The following ABCD3 variants were observed in gnomAD, a reference collection of about 807,000 sequenced individuals.
The protein encoded by ABCD3 is ATP binding cassette subfamily D member 3.
ABCD3 carries 41 observed loss-of-function variants against 105.5 expected under a neutral mutation model. That is an observed-to-expected ratio of 0.39 (90% CI 0.30 to 0.50). The LOEUF is 0.50. Ranked by LOEUF, ABCD3 falls within the 20% of genes least tolerant of loss-of-function variation. The pLI, the probability that ABCD3 is intolerant of heterozygous loss-of-function variation, is 0.84. For synonymous variants in ABCD3, 258 were observed against 269.0 expected (o/e 0.96, Z 0.40); for missense variants, 622 against 806.3 (o/e 0.77, Z 2.77).
At chr1:94,420,281 C>G (rs1659209404) in intron 1 of ABCD3, among the ~76,000 whole-genome samples, 1 of 152,112 alleles carries the variant, frequency 6.6e-6, no homozygotes, top group African/African-American at 2.4e-5. Flanking sequence ...TCACAGTCCA[C>G]CTAACTACTA....
intron 20 of ABCD3, among the ~76,000 whole-genome samples, chr1:94,500,501 G>A (rs1425752832): frequency 2.0e-5 from 3 of 152,056 alleles, no homozygotes. Context: ...CTTGTCAAGA[G>A]GGGCAACTTC....
At chr1:94,404,892 T>A in the ABCD3 span, among the ~76,000 whole-genome samples, 1 of 151,070 alleles carries the variant, frequency 6.6e-6, no homozygotes, top group African/African-American at 2.4e-5. Flanking sequence ...TGAGCTGATA[T>A]TGCGCCGCTG....
Position 94,498,670 on chromosome 1 carries a change from T to C in ABCD3, c.1455T>C (p.Val485=). 6.2e-7 allele frequency: 1 copy of C among 1,614,002 alleles called. No individual in the cohort carries two copies. Among genetic ancestry groups the C allele is most frequent in the Non-Finnish European group, 8.5e-7 (1 of 1,180,000 alleles). The part of the protein sequence containing the change: ...NGCGKSSLFR[V]LGELWPLFGG... ...GCGGAAAGAGTTCACTTTTCCGTGT[T>C]CTTGGTGAAGTAAGTACAAGTTGGC... The change falls in exon 17 of 23, where the codon GTT becomes GTC. Residue 485 remains valine, a synonymous_variant. Transcript: ENST00000370214.
chr1:94,464,966 T>C, intron 3 of ABCD3, 93 bp downstream of exon 3: 1 of 1,089,470 alleles, frequency 9.2e-7, no homozygotes, highest in Admixed American at 1.9e-5. Flanking sequence ...AGAGATTTAA[T>C]TGGCTCCTGG....
the ABCD3 span, among the ~76,000 whole-genome samples, chr1:94,403,873 GT>G: frequency 4.7e-4 from 71 of 152,106 alleles, no homozygotes; most frequent in African/African-American, 1.6e-3. Flanking sequence ...GTTCCTTTTA[GT>G]GGTAAATGGT....
rs74690161 is a variant in ABCD3 at position 94,435,834 on chromosome 1, A to C, written c.110+17246A>C. Among the ~76,000 whole-genome samples, 1,370 of 152,340 alleles carry C rather than the reference A, an allele frequency of 9.0e-3. 23 individuals carry two copies. Among genetic ancestry groups the C allele is most frequent in the African/African-American group, 0.032 (1,311 of 41,574 alleles). ...TGTTATTACCTAAAAGTGACCAGTG[A>C]GTTCTTCTTGTCATTATGAACCTTT... is the stretch of plus-strand genomic sequence containing the variant. On this transcript the variant is annotated intron_variant, in intron 1 of 22. Transcript: ENST00000370214.
intron 3 of ABCD3, 91 bp from the exon 4 acceptor site, chr1:94,467,828 G>C (rs1285287978): frequency 4.7e-6 from 4 of 857,834 alleles, no homozygotes; most frequent in Non-Finnish European, 7.7e-6. Flanking sequence ...TAAAGCTTTA[G>C]ATTTGGAAAC....
chr1:94,411,630 C>G, the ABCD3 span, among the ~76,000 whole-genome samples: 1 of 152,124 alleles, frequency 6.6e-6, no homozygotes. Flanking sequence ...AAGTTAAACA[C>G]AGAATTACCA....
intron 13 of ABCD3, among the ~76,000 whole-genome samples, chr1:94,488,421 G>A (rs752388754): frequency 1.1e-4 from 16 of 151,780 alleles, no homozygotes; most frequent in African/African-American, 3.9e-4. Context: ...ATGTTATCTT[G>A]TATCTGTAGG....
At chr1:94,432,498 C>A (rs1181975123) in intron 1 of ABCD3, 2 of 152,178 alleles carry the variant, frequency 1.3e-5, no homozygotes, top group Non-Finnish European at 2.9e-5. Flanking sequence ...GAACACTTAA[C>A]CATATTTTAG....
At chr1:94,386,349 G>A in the ABCD3 span, among the ~76,000 whole-genome samples, 8 of 152,196 alleles carry the variant, frequency 5.3e-5, no homozygotes, top group East Asian at 1.9e-4. Context: ...AACAATACGC[G>A]TAGAGTTTCA....
At chr1:94,491,143 A>G in intron 15 of ABCD3, 41 bp from the exon 16 acceptor site, 1 of 1,416,816 alleles carries the variant, frequency 7.1e-7, no homozygotes, top group Non-Finnish European at 9.9e-7. Flanking sequence ...AGTTCCTTAT[A>G]TACTTTAAAG....
In ABCD3 at chr1:94,478,253, T is replaced by C; in HGVS notation, c.628-6T>C. On this transcript the variant is annotated splice_region_variant and splice_polypyrimidine_tract_variant and intron_variant, in intron 7 of 22. Coordinates refer to ENST00000370214, the MANE Select transcript of ABCD3 (RefSeq NM_002858.4). ...AATTCTGTGTATTCTAATATTTATTTTACAGCCATTTTTAGACATAGTTTT... is the reference window on the plus strand; with the variant it reads ...AATTCTGTGTATTCTAATATTTATTCTACAGCCATTTTTAGACATAGTTTT... 3 of 1,552,484 alleles carry C rather than the reference T, an allele frequency of 1.9e-6. No homozygotes were observed. Among genetic ancestry groups the C allele is most frequent in the Non-Finnish European group, 2.7e-6 (3 of 1,126,214 alleles).
intron 15 of ABCD3, 31 bp downstream of exon 15, chr1:94,490,006 T>C (rs372951498): frequency 5.7e-6 from 9 of 1,570,768 alleles, no homozygotes; most frequent in African/African-American, 1.4e-5. Context: ...TTTAGCACCA[T>C]AAATGTTTGT....
At chr1:94,458,492 G>A in intron 1 of ABCD3, 115 bp from the exon 2 acceptor site, 2 of 935,222 alleles carry the variant, frequency 2.1e-6, no homozygotes, top group African/African-American at 1.7e-5. Flanking sequence ...TCACTATGAT[G>A]TGAAAAAGAA....
chr1:94,397,794 A>G, the ABCD3 span, among the ~76,000 whole-genome samples: 1 of 152,218 alleles, frequency 6.6e-6, no homozygotes, highest in Non-Finnish European at 1.5e-5. Flanking sequence ...AGGAATATCA[A>G]AGAATTTTTG....
intron 3 of ABCD3, among the ~76,000 whole-genome samples, chr1:94,465,117 C>CA (rs993800782): frequency 4.6e-5 from 7 of 152,026 alleles, no homozygotes; most frequent in Admixed American, 6.6e-5. Context: ...AAGGAGGTGC[C>CA]ACATACTTTT....
At chr1:94,417,040 A>G (rs1009259073), upstream of ABCD3, among the ~76,000 whole-genome samples, 4 of 152,264 alleles carry the variant, frequency 2.6e-5, no homozygotes, top group Admixed American at 1.3e-4. Context: ...GCTCCCATGT[A>G]TACACATTAA....
intron 1 of ABCD3, among the ~76,000 whole-genome samples, chr1:94,430,467 T>C (rs938954903): frequency 6.6e-6 from 1 of 152,158 alleles, no homozygotes; most frequent in Admixed American, 6.5e-5. Flanking sequence ...GGGAGGTAAT[T>C]GAATCATGGG....
Sources: allele counts gnomAD v4.1 joint callset (sites outside exome capture counted in the v4.1 genomes callset), GRCh38; gene constraint gnomAD v4.1.1; transcripts MANE v1.5; gene names NCBI Gene and HGNC (gene_info 2026-07-23, HGNC 2026-07-21).